Variants in CIB1 observed in about 807,000 individuals in gnomAD.
The protein encoded by CIB1 is calcium and integrin binding 1, also known as calcium and integrin-binding protein 1.
In CIB1, 19 loss-of-function variants were observed where a neutral mutation model predicts 25.0. That is an observed-to-expected ratio of 0.76 (90% CI 0.53 to 1.12). The LOEUF (loss-of-function observed/expected upper bound fraction) is 1.12. Among genes scored for constraint, CIB1 ranks in the 50% most tolerant of loss-of-function variants. The pLI is 0.00. For missense variants in CIB1, 236 were observed against 242.6 expected (o/e 0.97, Z 0.18); for synonymous variants, 104 against 98.5 (o/e 1.06, Z -0.33).
the CIB1 span, chr15:90,250,980 T>C: frequency 6.8e-7 from 1 of 1,479,206 alleles, no homozygotes; most frequent in Non-Finnish European, 9.1e-7. Flanking sequence ...ATCTCAGATC[T>C]TCCCTTTAGC....
chr15:90,232,210 C>G lies in CIB1; in HGVS notation c.195+9G>C, dbSNP rs762567803. 1 of 1,603,816 alleles carries G rather than the reference C, an allele frequency of 6.2e-7. No homozygotes were observed. The highest frequency in any genetic ancestry group is 1.1e-5 in the South Asian group (1 of 90,136). ...TGGGAGAGGTGTCAAAGGAGGGGAG[C>G]GCTTGCACCTTGAGCTCTGGAAGGC... On this transcript the variant is annotated intron_variant, in intron 3 of 6. Coordinates refer to ENST00000328649, the MANE Select transcript of CIB1 (RefSeq NM_006384.4).
the CIB1 span, among the ~76,000 whole-genome samples, chr15:90,240,377 G>A: frequency 4.9e-5 from 7 of 142,978 alleles, no homozygotes; most frequent in South Asian, 2.2e-4. Context: ...GCCTGGTGGC[G>A]GGTGCCTGTA....
the CIB1 span, chr15:90,251,609 C>G: frequency 6.2e-7 from 1 of 1,613,406 alleles, no homozygotes. Context: ...GCACCCAGCC[C>G]GTCGCTCACA....
chr15:90,256,545 T>TTTTCTTTCTTTCTCTTTC, the CIB1 span, among the ~76,000 whole-genome samples: 4 of 105,392 alleles, frequency 3.8e-5, no homozygotes, highest in African/African-American at 1.3e-4. Context: ...TCTCCTTCCT[T>TTTTCTTTCTTTCTCTTTC]TTTCTTTCTT....
upstream of CIB1, chr15:90,238,416 C>T (rs1417949813): frequency 2.6e-5 from 4 of 152,218 alleles, no homozygotes; most frequent in Non-Finnish European, 4.4e-5. Flanking sequence ...AGCCTCAATA[C>T]TCATTAAACT....
chr15:90,263,002 G>T, the CIB1 span: 1 of 1,536,098 alleles, frequency 6.5e-7, no homozygotes, highest in South Asian at 1.2e-5. Context: ...GAGGCCTCAA[G>T]AAATTGTGGA....
chr15:90,250,590 A>G, the CIB1 span: 1 of 1,593,942 alleles, frequency 6.3e-7, no homozygotes, highest in South Asian at 1.1e-5. Context: ...GGTCTGATAT[A>G]CACTTCATTC....
At chr15:90,251,467 G>A in the CIB1 span, 1 of 1,329,604 alleles carries the variant, frequency 7.5e-7, no homozygotes, top group Non-Finnish European at 1.1e-6. Context: ...AAAAGGAATT[G>A]TGTTGTGAAT....
the CIB1 span, among the ~76,000 whole-genome samples, chr15:90,247,735 T>C: frequency 2.1e-5 from 3 of 140,174 alleles, no homozygotes; most frequent in African/African-American, 7.7e-5. Flanking sequence ...AAAGATTTTT[T>C]TGTTTGCTTT....
the CIB1 span, chr15:90,240,752 A>T: frequency 6.8e-6 from 4 of 589,982 alleles, no homozygotes; most frequent in Non-Finnish European, 1.2e-5. Context: ...GGCGGAGGTT[A>T]CAGTGAACCA....
At chr15:90,262,235 A>G in the CIB1 span, 1 of 1,470,704 alleles carries the variant, frequency 6.8e-7, no homozygotes, top group South Asian at 1.4e-5. Context: ...GGTGGGGACA[A>G]GTCCTGAAGC....
chr15:90,248,908 G>A, the CIB1 span, among the ~76,000 whole-genome samples: 2 of 152,118 alleles, frequency 1.3e-5, no homozygotes, highest in African/African-American at 2.4e-5. Context: ...GAAGGTGACA[G>A]TGAAGGAGCA....
chr15:90,258,581 T>C, the CIB1 span: 1 of 644,252 alleles, frequency 1.6e-6, no homozygotes, highest in Non-Finnish European at 2.7e-6. Context: ...GAATTGGAGA[T>C]CTCTATGGCA....
chr15:90,244,993 G>A, the CIB1 span: 1 of 152,350 alleles, frequency 6.6e-6, no homozygotes, highest in Non-Finnish European at 1.5e-5. Flanking sequence ...CCCAGGAGGG[G>A]TTTTGATTTC....
At chr15:90,246,713 G>A in the CIB1 span, among the ~76,000 whole-genome samples, 4 of 141,024 alleles carry the variant, frequency 2.8e-5, no homozygotes, top group Admixed American at 2.3e-4. Context: ...ACTTGAACCC[G>A]GGAGGCAGAG....
At chr15:90,242,840 T>G in the CIB1 span, 1 of 152,266 alleles carries the variant, frequency 6.6e-6, no homozygotes, top group Non-Finnish European at 1.5e-5. Flanking sequence ...CCTTCTCACC[T>G]GTCTCAGCCT....
the CIB1 span, among the ~76,000 whole-genome samples, chr15:90,254,470 G>A: frequency 2.0e-5 from 3 of 147,228 alleles, no homozygotes; most frequent in Non-Finnish European, 4.5e-5. Context: ...TCCAGCCTGG[G>A]TGACAGAGTG....
the CIB1 span, chr15:90,263,905 A>G: frequency 7.5e-7 from 1 of 1,330,810 alleles, no homozygotes; most frequent in Non-Finnish European, 1.0e-6. Context: ...ACTGCCAAGC[A>G]TGAATGCTGC....
chr15:90,232,954 G>A (rs56678496), intron 2 of CIB1, among the ~76,000 whole-genome samples: 3,558 of 150,658 alleles, frequency 0.024, 139 homozygotes, highest in African/African-American at 0.079. Context: ...GGAGAAAAGA[G>A]CAAAACCAAA....
Sources: gnomAD v4.1 joint callset for allele counts (sites outside exome capture counted in the v4.1 genomes callset) on GRCh38, gnomAD v4.1.1 for gene constraint, MANE v1.5 for transcripts, NCBI Gene and HGNC (gene_info 2026-07-23, HGNC 2026-07-21) for gene names.